The following GALNT17 variants were observed in gnomAD, a reference collection of about 807,000 sequenced individuals.
GALNT17 encodes UDP-GalNAc:polypeptide N-acetylgalactosaminyltransferase-like 3.
Under a neutral mutation model 63.7 loss-of-function variants are expected in GALNT17, and 29 were observed. That is an observed-to-expected ratio of 0.46 (90% CI 0.34 to 0.62). GALNT17 has a LOEUF of 0.62. GALNT17 is among the 20% of genes least tolerant of loss of function. The pLI, the probability that GALNT17 is intolerant of heterozygous loss-of-function variation, is 0.01. For synonymous variants in GALNT17, 305 were observed against 318.3 expected (o/e 0.96, Z 0.45); for missense variants, 603 against 799.6 (o/e 0.75, Z 2.97).
chr7:71,610,061 T>G (rs954702163), intron 6 of GALNT17, among the ~76,000 whole-genome samples: 1 of 152,146 alleles, frequency 6.6e-6, no homozygotes, highest in Non-Finnish European at 1.5e-5. Context: ...TCTACTAAGC[T>G]GCAAAATTTT....
intron 1 of GALNT17, among the ~76,000 whole-genome samples, chr7:71,220,142 A>G (rs895358833): frequency 1.3e-5 from 2 of 152,228 alleles, no homozygotes; most frequent in African/African-American, 4.8e-5. Flanking sequence ...GAGGTTCCCA[A>G]TTAAGTCCAT....
chr7:71,502,715 C>T (rs1584007918), intron 5 of GALNT17, among the ~76,000 whole-genome samples: 1 of 152,278 alleles, frequency 6.6e-6, no homozygotes, highest in Admixed American at 6.5e-5. Flanking sequence ...GATGCCAGCA[C>T]CCAGCCTTGG....
intron 1 of GALNT17, among the ~76,000 whole-genome samples, chr7:71,294,409 C>CT (rs869086513): frequency 0.066 from 6,090 of 91,920 alleles, 598 homozygotes; most frequent in African/African-American, 0.2. Context: ...CTCATAAGTC[C>CT]TTTTTTTTTT....
intron 6 of GALNT17, among the ~76,000 whole-genome samples, chr7:71,662,856 T>C (rs554618305): frequency 1.3e-5 from 2 of 152,370 alleles, no homozygotes; most frequent in South Asian, 4.1e-4. Context: ...GCTCTTATGT[T>C]TAGGTCGTTG....
chr7:71,248,936 C>T (rs958518176), intron 1 of GALNT17, among the ~76,000 whole-genome samples: 13 of 151,002 alleles, frequency 8.6e-5, no homozygotes, highest in African/African-American at 3.2e-4. Context: ...TGCCTCTTCT[C>T]TACTGAATCT....
intron 1 of GALNT17, among the ~76,000 whole-genome samples, chr7:71,174,641 C>G (rs1212938171): frequency 6.6e-6 from 1 of 152,076 alleles, no homozygotes; most frequent in Non-Finnish European, 1.5e-5. Flanking sequence ...GGGGATGGAT[C>G]TCACAAAGTA....
At chr7:71,438,780 G>A (rs1399018340) in intron 5 of GALNT17, among the ~76,000 whole-genome samples, 1 of 151,652 alleles carries the variant, frequency 6.6e-6, no homozygotes. Context: ...TTTTTATTTG[G>A]TCTAGGTCAT....
intron 5 of GALNT17, among the ~76,000 whole-genome samples, chr7:71,468,887 A>C (rs1213055204): frequency 1.3e-5 from 2 of 152,096 alleles, no homozygotes; most frequent in African/African-American, 4.8e-5. Flanking sequence ...TTAAACTCTT[A>C]TTATTTGTTG....
intron 2 of GALNT17, among the ~76,000 whole-genome samples, chr7:71,375,366 G>A (rs972271636): frequency 6.6e-6 from 1 of 152,148 alleles, no homozygotes; most frequent in Non-Finnish European, 1.5e-5. Context: ...CCAGTTTGGA[G>A]CTCTGTAAAG....
intron 6 of GALNT17, among the ~76,000 whole-genome samples, chr7:71,603,027 A>G (rs1339996152): frequency 4.6e-5 from 7 of 152,152 alleles, no homozygotes; most frequent in Non-Finnish European, 7.4e-5. Context: ...TGCTAAGTGC[A>G]TATACCAGTT....
At chr7:71,423,129 G>A (rs1020730025) in intron 5 of GALNT17, among the ~76,000 whole-genome samples, 5 of 152,282 alleles carry the variant, frequency 3.3e-5, no homozygotes, top group African/African-American at 1.2e-4. Context: ...GCACAGGATG[G>A]GGGACAGGGT....
At chr7:71,525,822 C>G (rs1012401156) in intron 5 of GALNT17, among the ~76,000 whole-genome samples, 1 of 147,960 alleles carries the variant, frequency 6.8e-6, no homozygotes, top group African/African-American at 2.5e-5. Context: ...TCACTGCAGC[C>G]TCCACCTTCC....
chr7:71,518,303 C>T (rs1475214532), intron 5 of GALNT17, among the ~76,000 whole-genome samples: 1 of 152,174 alleles, frequency 6.6e-6, no homozygotes, highest in Non-Finnish European at 1.5e-5. Flanking sequence ...TTCCTGTTTC[C>T]CTTGGTTTCT....
chr7:71,664,253 A>G (rs1027776591), intron 6 of GALNT17, among the ~76,000 whole-genome samples: 1 of 152,154 alleles, frequency 6.6e-6, no homozygotes, highest in Non-Finnish European at 1.5e-5. Flanking sequence ...ATGGCATTGG[A>G]GTGGATGCTT....
intron 5 of GALNT17, among the ~76,000 whole-genome samples, chr7:71,519,861 G>A (rs1373438307): frequency 3.9e-5 from 6 of 152,026 alleles, no homozygotes; most frequent in South Asian, 2.1e-4. Context: ...AATTACGATC[G>A]TTAATGTAGC....
intron 1 of GALNT17, among the ~76,000 whole-genome samples, chr7:71,260,170 G>A (rs1469894811): frequency 6.6e-6 from 1 of 152,126 alleles, no homozygotes; most frequent in Non-Finnish European, 1.5e-5. Flanking sequence ...AAAGTTCCAT[G>A]GGCTGTCTAG....
At chr7:71,611,626 G>A (rs1414245308) in intron 6 of GALNT17, among the ~76,000 whole-genome samples, 3 of 151,922 alleles carry the variant, frequency 2.0e-5, no homozygotes, top group Non-Finnish European at 2.9e-5. Flanking sequence ...CTCTTGTCAC[G>A]GTCTAGAGCA....
At chr7:71,657,343 A>G (rs1163751637) in intron 6 of GALNT17, among the ~76,000 whole-genome samples, 2 of 152,142 alleles carry the variant, frequency 1.3e-5, no homozygotes, top group Non-Finnish European at 2.9e-5. Flanking sequence ...AAAAATAAAT[A>G]AAGTAAATAT....
intron 2 of GALNT17, among the ~76,000 whole-genome samples, chr7:71,360,976 G>A (rs1465676486): frequency 2.0e-5 from 3 of 152,050 alleles, no homozygotes; most frequent in African/African-American, 4.8e-5. Flanking sequence ...TAACTTTCTC[G>A]TAGCTGTATT....
Sources: allele counts gnomAD v4.1 joint callset (sites outside exome capture counted in the v4.1 genomes callset), GRCh38; gene constraint gnomAD v4.1.1; transcripts MANE v1.5; gene names NCBI Gene and HGNC (gene_info 2026-07-23, HGNC 2026-07-21).